Variants in LRP12 observed in about 807,000 individuals in gnomAD.
The protein encoded by LRP12 is low-density lipoprotein receptor-related protein 12.
LRP12 carries 14 observed loss-of-function variants against 66.0 expected under a neutral mutation model. The ratio of observed to expected loss-of-function variants is 0.21; its 90% CI spans 0.14 to 0.33. The LOEUF (loss-of-function observed/expected upper bound fraction) is 0.33. LRP12 is among the 10% of genes least tolerant of loss of function. LRP12 has a pLI of 1.00. For synonymous variants in LRP12, 357 were observed against 359.1 expected, an observed-to-expected ratio of 0.99 and a Z score of 0.07; for missense variants, 889 against 1,053.4, an observed-to-expected ratio of 0.84 and a Z score of 2.16.
chr8:104,554,881 T>A (rs1811781439), intron 1 of LRP12, among the ~76,000 whole-genome samples: 1 of 152,150 alleles, frequency 6.6e-6, no homozygotes, highest in Non-Finnish European at 1.5e-5. Flanking sequence ...GGCAAAAGCA[T>A]CAGGTAACCT....
Position 104,563,430 on chromosome 8 carries a change from A to G in LRP12, c.79+25389T>C, listed in dbSNP as rs932143642. Among the ~76,000 whole-genome samples the G allele has an allele frequency of 4.6e-5, 7 of 152,166 alleles. No homozygotes were observed. In the East Asian group the frequency reaches 7.7e-4, roughly 17 times the overall value. The stretch of plus-strand genomic sequence containing the variant: ...TAATATCCAAACTTAGGTCTGTCTT[A>G]CTATATTATATATTTGTTAATAATG... On this transcript the variant is annotated intron_variant, in intron 1 of 6. Transcript: ENST00000276654.
At chr8:104,572,111 A>ATT (rs1812087944) in intron 1 of LRP12, among the ~76,000 whole-genome samples, 1 of 152,250 alleles carries the variant, frequency 6.6e-6, no homozygotes, top group African/African-American at 2.4e-5. Flanking sequence ...AACAATGTGC[A>ATT]TGAATCTCCA....
At chr8:104,519,696 T>C (rs966147960) in intron 2 of LRP12, among the ~76,000 whole-genome samples, 1 of 151,888 alleles carries the variant, frequency 6.6e-6, no homozygotes, top group African/African-American at 2.4e-5. Flanking sequence ...GCAGAAAAAA[T>C]GATATTAATC....
chr8:104,530,923 T>C (rs547131661), intron 2 of LRP12, among the ~76,000 whole-genome samples: 1 of 152,140 alleles, frequency 6.6e-6, no homozygotes, highest in Non-Finnish European at 1.5e-5. Flanking sequence ...GAAAAAAAAT[T>C]GATGCAGGCA....
At chr8:104,503,378 CT>C (rs1158315726) in intron 3 of LRP12, among the ~76,000 whole-genome samples, 2 of 144,052 alleles carry the variant, frequency 1.4e-5, no homozygotes, top group African/African-American at 5.1e-5. Context: ...AGGCAGAAAC[CT>C]TGTTTAGAAT....
At chr8:104,498,688 C>T (rs1413160641) in intron 4 of LRP12, among the ~76,000 whole-genome samples, 4 of 152,086 alleles carry the variant, frequency 2.6e-5, no homozygotes, top group Non-Finnish European at 5.9e-5. Flanking sequence ...CTGCAATCAA[C>T]GTATGTGTGT....
chr8:104,584,664 T>A (rs1260372791), intron 1 of LRP12, among the ~76,000 whole-genome samples: 1 of 152,102 alleles, frequency 6.6e-6, no homozygotes, highest in East Asian at 1.9e-4. Flanking sequence ...TCTGCCCTGA[T>A]AACCACCTAG....
chr8:104,548,269 A>C (rs1373727140), intron 1 of LRP12, among the ~76,000 whole-genome samples: 2 of 96,724 alleles, frequency 2.1e-5, no homozygotes, highest in Non-Finnish European at 3.5e-5. Flanking sequence ...AATATATGAT[A>C]TATATTATAT....
chr8:104,567,966 A>C (rs1225713819), intron 1 of LRP12, among the ~76,000 whole-genome samples: 2 of 152,202 alleles, frequency 1.3e-5, no homozygotes, highest in Non-Finnish European at 2.9e-5. Context: ...CCAGAATAGC[A>C]AAAACAATCT....
intron 1 of LRP12, among the ~76,000 whole-genome samples, chr8:104,547,055 T>C (rs1811577046): frequency 1.4e-5 from 2 of 145,918 alleles, no homozygotes; most frequent in Non-Finnish European, 3.0e-5. Context: ...TTCTATATTA[T>C]ATCATACTTT....
chr8:104,567,341 CAA>C (rs952640718), intron 1 of LRP12, among the ~76,000 whole-genome samples: 11 of 152,040 alleles, frequency 7.2e-5, no homozygotes. Context: ...GAGGACGAAC[CAA>C]AAGTGGAAAC....
chr8:104,539,558 G>A (rs1469954450), intron 1 of LRP12, among the ~76,000 whole-genome samples: 1 of 151,586 alleles, frequency 6.6e-6, no homozygotes, highest in Non-Finnish European at 1.5e-5. Flanking sequence ...TTTGAGATTT[G>A]TACAAATGAC....
intron 1 of LRP12, among the ~76,000 whole-genome samples, chr8:104,546,908 T>TAA (rs1811568923): frequency 2.1e-5 from 3 of 144,216 alleles, no homozygotes; most frequent in Non-Finnish European, 3.0e-5. Flanking sequence ...ATTATATATA[T>TAA]TATATAATTA....
rs562679448 is a variant in LRP12 at position 104,572,664 on chromosome 8, AATAAT to A, written c.79+16150_79+16154del. Reference sequence around the variant, plus strand: ...TCACGGATGTAGAAAATATTTTAAAAATAATATTATTTATAAATTTAAAGCAAATA... The same window carrying A: ...TCACGGATGTAGAAAATATTTTAAAAATTATTTATAAATTTAAAGCAAATA... On this transcript the variant is annotated intron_variant, in intron 1 of 6. Coordinates refer to ENST00000276654, the MANE Select transcript of LRP12 (RefSeq NM_013437.5). Among the ~76,000 whole-genome samples the A allele has an allele frequency of 2.6e-3, 396 of 152,094 alleles. 1 individual carries two copies. Among genetic ancestry groups the A allele is most frequent in the Admixed American group, 5.0e-3 (76 of 15,284 alleles).
At chr8:104,551,472 T>C (rs75359745) in intron 1 of LRP12, among the ~76,000 whole-genome samples, 1 of 152,136 alleles carries the variant, frequency 6.6e-6, no homozygotes, top group Non-Finnish European at 1.5e-5. Flanking sequence ...ATCACCCAGA[T>C]AGTGAGCATA....
intron 6 of LRP12, among the ~76,000 whole-genome samples, chr8:104,493,428 A>G (rs1210448971): frequency 6.6e-6 from 1 of 152,250 alleles, no homozygotes; most frequent in African/African-American, 2.4e-5. Context: ...GAGGGTACAT[A>G]TAACCTGAGA....
intron 1 of LRP12, among the ~76,000 whole-genome samples, chr8:104,549,289 C>A (rs780531760): frequency 6.6e-6 from 1 of 152,166 alleles, no homozygotes; most frequent in East Asian, 1.9e-4. Flanking sequence ...TACTCCTGAA[C>A]CCTCCTCAAT....
chr8:104,497,802 A>T lies in LRP12; in HGVS notation c.750T>A (p.Asp250Glu). ...DGNIDCLDLG[D>E]EIDCDVPTCG... Reference sequence around the variant, plus strand: ...ATGTTGGCACATCACAGTCTATCTCATCTCCTAGGTCAAGGCAGTCAATGT... The same window carrying T: ...ATGTTGGCACATCACAGTCTATCTCTTCTCCTAGGTCAAGGCAGTCAATGT... Residue 250 changes from aspartate to glutamate, a missense_variant, in exon 5 of 7, where the codon GAT becomes GAA. By Grantham distance (45) the Asp-to-Glu change is conservative (BLOSUM62 2). Coordinates refer to ENST00000276654, the MANE Select transcript of LRP12 (RefSeq NM_013437.5). This position sits in a 1 kb window ranked among gnomAD's most constrained non-coding sequence, Gnocchi z 4.3. 1 of 1,613,926 alleles carries T rather than the reference A, an allele frequency of 6.2e-7. No homozygotes were observed. The highest frequency in any genetic ancestry group is 8.5e-7 in the Non-Finnish European group (1 of 1,179,832).
chr8:104,539,708 T>C (rs1052916145), intron 1 of LRP12, among the ~76,000 whole-genome samples: 2 of 152,040 alleles, frequency 1.3e-5, no homozygotes, highest in African/African-American at 2.4e-5. Flanking sequence ...AGTTTTAAAT[T>C]TCTTTCTTAG....
Sources: allele counts gnomAD v4.1 joint callset (sites outside exome capture counted in the v4.1 genomes callset), GRCh38; gene constraint gnomAD v4.1.1; non-coding constraint Gnocchi (gnomAD v3.1); transcripts MANE v1.5; gene names NCBI Gene and HGNC (gene_info 2026-07-23, HGNC 2026-07-21).